The following SPOCK3 variants were observed in gnomAD, a reference collection of about 807,000 sequenced individuals.
The protein encoded by SPOCK3 is SPARC (osteonectin), cwcv and kazal like domains proteoglycan 3, also known as testican-3.
A neutral mutation model predicts 56.6 loss-of-function variants in SPOCK3; 30 were observed. The ratio of observed to expected loss-of-function variants is 0.53; its 90% CI spans 0.40 to 0.72. The LOEUF (loss-of-function observed/expected upper bound fraction) is 0.72. SPOCK3 is among the 30% of genes least tolerant of loss of function. SPOCK3 has a pLI of 0.00. For missense variants in SPOCK3, 527 were observed against 530.0 expected (o/e 0.99, Z 0.06); for synonymous variants, 196 against 183.3 (o/e 1.07, Z -0.56).
At chr4:167,128,153 TTAGA>T (rs1488027824) in intron 2 of SPOCK3, among the ~76,000 whole-genome samples, 1 of 152,198 alleles carries the variant, frequency 6.6e-6, no homozygotes, top group African/African-American at 2.4e-5. Flanking sequence ...GCAAAATTGT[TTAGA>T]TAGACCTTCT....
Position 166,802,890 on chromosome 4 carries a change from CA to C in SPOCK3, c.590-10602del, listed in dbSNP as rs536871048. ...AGCCTCATTCCAGGGCAGATTTGAG[CA>C]ATTCTAAACGCTCTTTCTTAAAAAG... On this transcript the variant is annotated intron_variant, in intron 6 of 10. Coordinates refer to ENST00000357545, the MANE Select transcript of SPOCK3 (RefSeq NM_001040159.2). Among the ~76,000 whole-genome samples, 708 of 152,152 alleles carry C rather than the reference CA, an allele frequency of 4.7e-3. 10 individuals are homozygous for C. The highest frequency in any genetic ancestry group is 0.016 in the African/African-American group (678 of 41,512).
intron 4 of SPOCK3, among the ~76,000 whole-genome samples, chr4:166,990,975 G>C (rs942988507): frequency 6.6e-6 from 1 of 152,110 alleles, no homozygotes. Context: ...TGTCCATCAA[G>C]TACTAATTGC....
At chr4:166,749,321 G>A (rs1736054605) in intron 8 of SPOCK3, among the ~76,000 whole-genome samples, 1 of 129,292 alleles carries the variant, frequency 7.7e-6, no homozygotes, top group Admixed American at 7.4e-5. Flanking sequence ...AAAAAGATGA[G>A]TTCATGTCCT....
Position 166,778,944 on chromosome 4 carries a change from C to A in SPOCK3, c.709+13226G>T, listed in dbSNP as rs546962817. ...TGGAGAATCAGAAAGTTGTGTATAG[C>A]CACTGAGGAAAGCCGAAGAAATCCG... is the stretch of plus-strand genomic sequence containing the variant. On this transcript the variant is annotated intron_variant, in intron 7 of 10. Coordinates refer to ENST00000357545, the MANE Select transcript of SPOCK3 (RefSeq NM_001040159.2). Among the ~76,000 whole-genome samples the A allele has an allele frequency of 3.3e-5, 5 of 152,050 alleles. No homozygotes were observed. In the East Asian group the frequency reaches 9.7e-4, roughly 29 times the overall value.
intron 8 of SPOCK3, among the ~76,000 whole-genome samples, chr4:166,750,483 A>C (rs1287237217): frequency 6.6e-6 from 1 of 152,148 alleles, no homozygotes; most frequent in Non-Finnish European, 1.5e-5. Context: ...ACTGTATGAG[A>C]ATCACAAATT....
intron 6 of SPOCK3, among the ~76,000 whole-genome samples, chr4:166,846,376 TATC>T (rs974095444): frequency 6.6e-6 from 1 of 152,156 alleles, no homozygotes; most frequent in Non-Finnish European, 1.5e-5. Context: ...TAAGTAATAT[TATC>T]ATATATAATT....
intron 2 of SPOCK3, among the ~76,000 whole-genome samples, chr4:167,100,422 TTCTC>T (rs1320410774): frequency 3.3e-5 from 5 of 151,060 alleles, no homozygotes; most frequent in Admixed American, 3.3e-4. Context: ...TCTCTCTCTC[TTCTC>T]TCTTTCTTTC....
intron 2 of SPOCK3, among the ~76,000 whole-genome samples, chr4:167,173,081 A>G (rs1730651575): frequency 6.6e-6 from 1 of 152,066 alleles, no homozygotes; most frequent in Non-Finnish European, 1.5e-5. Flanking sequence ...GCAGTCCAGG[A>G]CAGTAGTCCA....
intron 3 of SPOCK3, among the ~76,000 whole-genome samples, chr4:167,008,530 T>G (rs1749689098): frequency 6.6e-6 from 1 of 152,092 alleles, no homozygotes. Flanking sequence ...TCTTCAAAAA[T>G]GAATTCTCAT....
intron 6 of SPOCK3, among the ~76,000 whole-genome samples, chr4:166,792,933 G>T (rs1741508732): frequency 6.6e-6 from 1 of 152,108 alleles, no homozygotes; most frequent in Non-Finnish European, 1.5e-5. Context: ...CTTCCTCTTT[G>T]TTTTTTAAAG....
chr4:167,014,158 A>G (rs752118129), intron 3 of SPOCK3, among the ~76,000 whole-genome samples: 1 of 152,116 alleles, frequency 6.6e-6, no homozygotes, highest in Non-Finnish European at 1.5e-5. Context: ...GCCCACTTTG[A>G]GTAACAATCT....
intron 7 of SPOCK3, among the ~76,000 whole-genome samples, chr4:166,787,829 A>G (rs1430985264): frequency 6.6e-6 from 1 of 152,210 alleles, no homozygotes. Flanking sequence ...TCCTAAATAT[A>G]TATAGGTATA....
chr4:166,928,789 G>A (rs140643470), intron 4 of SPOCK3, among the ~76,000 whole-genome samples: 1,754 of 152,242 alleles, frequency 0.012, 14 homozygotes, highest in Middle Eastern at 0.027. Flanking sequence ...CCAACATGGT[G>A]AAGCCCCATC....
At chr4:166,858,308 C>A (rs2126897798) in intron 6 of SPOCK3, among the ~76,000 whole-genome samples, 1 of 152,296 alleles carries the variant, frequency 6.6e-6, no homozygotes, top group East Asian at 1.9e-4. Flanking sequence ...TCATAGGGTT[C>A]TTTGCTCTGT....
At chr4:166,772,388 C>A (rs953205279) in intron 7 of SPOCK3, among the ~76,000 whole-genome samples, 23 of 152,070 alleles carry the variant, frequency 1.5e-4, no homozygotes, top group African/African-American at 4.3e-4. Flanking sequence ...TGCAATGTGA[C>A]CTCCTAAGTA....
intron 6 of SPOCK3, among the ~76,000 whole-genome samples, chr4:166,817,008 A>C (rs997132529): frequency 1.3e-5 from 2 of 152,094 alleles, no homozygotes; most frequent in African/African-American, 4.8e-5. Flanking sequence ...CTACTTACAC[A>C]GTAGCCTGAC....
intron 4 of SPOCK3, among the ~76,000 whole-genome samples, chr4:166,960,255 G>A (rs1199571183): frequency 6.6e-6 from 1 of 152,128 alleles, no homozygotes; most frequent in Non-Finnish European, 1.5e-5. Flanking sequence ...AGAATGCAAA[G>A]ATTAAAAAAG....
rs1196790917 is a variant in SPOCK3 at position 167,126,555 on chromosome 4, CA to C, written c.190-64019del. Among the ~76,000 whole-genome samples, 728 of 150,842 alleles carry C rather than the reference CA, an allele frequency of 4.8e-3. 5 individuals are homozygous for C. Among genetic ancestry groups the C allele is most frequent in the African/African-American group, 0.017 (681 of 41,116 alleles). On this transcript the variant is annotated intron_variant, in intron 2 of 10. Transcript: ENST00000357545. ...CAAGAGTCAAACTCTGTCAAAAAAA[CA>C]AACAAAAAAAGTTCATTGCCAACAT...
chr4:166,913,172 A>T (rs1486014852), intron 4 of SPOCK3, among the ~76,000 whole-genome samples: 1 of 152,230 alleles, frequency 6.6e-6, no homozygotes, highest in African/African-American at 2.4e-5. Context: ...AGAGTGGCTT[A>T]CTTTTAGAGA....
Sources: allele counts gnomAD v4.1 joint callset (sites outside exome capture counted in the v4.1 genomes callset), GRCh38; gene constraint gnomAD v4.1.1; transcripts MANE v1.5; gene names NCBI Gene and HGNC (gene_info 2026-07-23, HGNC 2026-07-21).